FRYL: variants seen among roughly 807,000 people sequenced by gnomAD.
FRYL encodes FRY like transcription coactivator, also known as protein furry homolog-like.
In FRYL, 150 loss-of-function variants were observed where a neutral mutation model predicts 351.2. The ratio of observed to expected loss-of-function variants is 0.43; its 90% CI spans 0.37 to 0.49. FRYL has a LOEUF of 0.49. Ranked by LOEUF, FRYL falls within the 20% of genes least tolerant of loss-of-function variation. The pLI is 0.00. For missense variants in FRYL, 3,036 were observed against 3,619.3 expected (o/e 0.84, Z 4.13); for synonymous variants, 1,153 against 1,257.1 (o/e 0.92, Z 1.75).
chr4:48,602,579 A>G (rs1484269353), intron 12 of FRYL, among the ~76,000 whole-genome samples: 4 of 152,188 alleles, frequency 2.6e-5, no homozygotes, highest in Non-Finnish European at 4.4e-5. Flanking sequence ...TAAGAAAAAA[A>G]AAAGTACAAA....
intron 1 of FRYL, among the ~76,000 whole-genome samples, chr4:48,767,888 A>G (rs1278216502): frequency 6.6e-6 from 1 of 152,180 alleles, no homozygotes; most frequent in Non-Finnish European, 1.5e-5. Flanking sequence ...AAGGACGCCA[A>G]CAGCACAAGC....
intron 27 of FRYL, 35 bp downstream of exon 27, chr4:48,570,791 AT>A (rs1421199610): frequency 7.0e-7 from 1 of 1,432,508 alleles, no homozygotes; most frequent in South Asian, 1.1e-5. Context: ...CTCTAGGATC[AT>A]TCCAGAGTTT....
At chr4:48,734,880 T>G (rs1185849915) in intron 1 of FRYL, among the ~76,000 whole-genome samples, 2 of 152,174 alleles carry the variant, frequency 1.3e-5, no homozygotes, top group African/African-American at 2.4e-5. Flanking sequence ...GAAGAAAACC[T>G]AGGCATTACC....
intron 2 of FRYL, among the ~76,000 whole-genome samples, chr4:48,708,251 C>T (rs1199138982): frequency 6.6e-6 from 1 of 151,500 alleles, no homozygotes; most frequent in Non-Finnish European, 1.5e-5. Flanking sequence ...TGCACTCCAG[C>T]CTGGACAACA....
At chr4:48,644,747 C>G (rs1036291396) in intron 3 of FRYL, among the ~76,000 whole-genome samples, 12 of 151,734 alleles carry the variant, frequency 7.9e-5, no homozygotes, top group Non-Finnish European at 1.3e-4. Flanking sequence ...TTTTCAAAAC[C>G]TTAGAAGAAA....
rs554761985 is a variant in FRYL at position 48,739,379 on chromosome 4, T to C, written c.-383-28681A>G. Among the ~76,000 whole-genome samples, 24 of 130,958 alleles carry C rather than the reference T, an allele frequency of 1.8e-4. No individual in the cohort carries two copies. The Admixed American group carries it at 2.2e-3, about 12-fold the overall frequency. 85.9% of individuals were successfully genotyped at this position (130,958 alleles called of 152,430 possible). ...TTGTGCCACTACACTCCAGCCTGGGTGACAGAGCAAGACTCCGTCTCAAAA... is the reference window on the plus strand; with the variant it reads ...TTGTGCCACTACACTCCAGCCTGGGCGACAGAGCAAGACTCCGTCTCAAAA... On this transcript the variant is annotated intron_variant, in intron 1 of 63. Coordinates refer to ENST00000358350, the MANE Select transcript of FRYL (RefSeq NM_015030.2).
chr4:48,555,967 T>G (rs979502110), intron 35 of FRYL, among the ~76,000 whole-genome samples: 4 of 152,212 alleles, frequency 2.6e-5, no homozygotes, highest in Non-Finnish European at 4.4e-5. Flanking sequence ...CAATCTTGGC[T>G]CACTGCAACC....
rs1216348423 is a variant in FRYL at position 48,549,093 on chromosome 4, T to C, written c.4785-300A>G. 6.6e-6 allele frequency among the ~76,000 whole-genome samples: 1 copy of C among 152,196 alleles called. No individual in the cohort carries two copies. The highest frequency in any genetic ancestry group is 1.9e-4 in the East Asian group (1 of 5,202). Reference sequence around the variant, plus strand: ...AGGTGTTCAATACATGTTTGGTGCATTAATACATTTTGAAAGAATGCAGTA... The same window carrying C: ...AGGTGTTCAATACATGTTTGGTGCACTAATACATTTTGAAAGAATGCAGTA... On this transcript the variant is annotated intron_variant, in intron 39 of 63. Coordinates refer to ENST00000358350, the MANE Select transcript of FRYL (RefSeq NM_015030.2). The surrounding 1 kb of genome is among the most constrained non-coding windows in gnomAD (Gnocchi z 4.2).
intron 56 of FRYL, among the ~76,000 whole-genome samples, chr4:48,513,638 C>A (rs1429889705): frequency 6.6e-6 from 1 of 152,178 alleles, no homozygotes; most frequent in Non-Finnish European, 1.5e-5. Flanking sequence ...TATGGTCTTC[C>A]ATATGCACTG....
chr4:48,548,886 C>T, intron 39 of FRYL, 93 bp from the exon 40 acceptor site: 1 of 662,520 alleles, frequency 1.5e-6, no homozygotes, highest in South Asian at 2.1e-5. Context: ...TTTAATATCA[C>T]ATTTCATGGA....
chr4:48,633,319 C>G (rs984378958), intron 4 of FRYL, among the ~76,000 whole-genome samples: 5 of 152,154 alleles, frequency 3.3e-5, no homozygotes, highest in African/African-American at 9.7e-5. Flanking sequence ...TGCTGCTCTA[C>G]GTCATTGGCA....
rs1352243385 is a variant in FRYL at position 48,557,082 on chromosome 4, C to T, written c.4162G>A (p.Val1388Met). The T allele has an allele frequency of 3.1e-6, 5 of 1,606,102 alleles. No homozygotes were observed. The highest frequency in any genetic ancestry group is 4.3e-6 in the Non-Finnish European group (5 of 1,176,286). The change falls in exon 35 of 64, where the codon GTG (valine) becomes ATG (methionine). Residue 1388 changes from valine to methionine, a missense_variant. This residue lies in a region of FRYL where 1,987 missense variants were observed against 2,311.7 expected (regional missense o/e 0.86). Transcript: ENST00000358350. ...DELAWSEVEN[V>M]WTTLADGWPK... ...CAGCCATCTGCAAGTGTGGTCCACA[C>T]ATTCTCCACCTCCGACCAGGCCAGT...
At chr4:48,605,504 T>C (rs1301660481) in intron 11 of FRYL, among the ~76,000 whole-genome samples, 2 of 152,200 alleles carry the variant, frequency 1.3e-5, no homozygotes, top group Admixed American at 1.3e-4. Flanking sequence ...AAGATGGAGC[T>C]GGATTTCCCC....
chr4:48,574,892 G>A (rs779617946), intron 25 of FRYL, among the ~76,000 whole-genome samples: 3 of 152,026 alleles, frequency 2.0e-5, no homozygotes, highest in Admixed American at 6.6e-5. Flanking sequence ...GTTTTAATCT[G>A]CTCAATCAAA....
At chr4:48,579,609 T>C (rs1340771231) in intron 22 of FRYL, among the ~76,000 whole-genome samples, 1 of 152,198 alleles carries the variant, frequency 6.6e-6, no homozygotes, top group Non-Finnish European at 1.5e-5. Context: ...TGTATCTATG[T>C]ATGTGTGGAA....
At chr4:48,708,481 T>C (rs1183312842) in intron 2 of FRYL, among the ~76,000 whole-genome samples, 1 of 151,190 alleles carries the variant, frequency 6.6e-6, no homozygotes, top group Admixed American at 6.6e-5. Flanking sequence ...AAACAAACAC[T>C]GCGTACTCAT....
intron 2 of FRYL, among the ~76,000 whole-genome samples, chr4:48,685,789 T>C (rs965670029): frequency 6.6e-6 from 1 of 152,138 alleles, no homozygotes; most frequent in Non-Finnish European, 1.5e-5. Flanking sequence ...GTTTCACTCT[T>C]GTTGCCCAGG....
chr4:48,612,353 T>C (rs1291952120), intron 7 of FRYL, among the ~76,000 whole-genome samples: 1 of 152,214 alleles, frequency 6.6e-6, no homozygotes, highest in East Asian at 1.9e-4. Context: ...GTTCAGTTTG[T>C]AGAGCCCCAG....
At chr4:48,538,168 G>A (rs193287987) in intron 47 of FRYL, among the ~76,000 whole-genome samples, 1 of 152,044 alleles carries the variant, frequency 6.6e-6, no homozygotes, top group Non-Finnish European at 1.5e-5. Flanking sequence ...ACCCTCTCTT[G>A]ATATTTAATG....
Sources: allele counts gnomAD v4.1 joint callset (sites outside exome capture counted in the v4.1 genomes callset), GRCh38; gene constraint gnomAD v4.1.1; regional missense constraint gnomAD v4.1.1; non-coding constraint Gnocchi (gnomAD v3.1); transcripts MANE v1.5; gene names NCBI Gene and HGNC (gene_info 2026-07-23, HGNC 2026-07-21).